Variants in ETV1 observed in about 807,000 individuals in gnomAD.
The protein encoded by ETV1 is ETS variant transcription factor 1.
Under a neutral mutation model 62.3 loss-of-function variants are expected in ETV1, and 27 were observed. The ratio of observed to expected loss-of-function variants is 0.43; its 90% CI spans 0.32 to 0.60. The LOEUF is 0.60. ETV1 is among the 20% of genes least tolerant of loss of function. The pLI, the probability that ETV1 is intolerant of heterozygous loss-of-function variation, is 0.06. For missense variants in ETV1, 605 were observed against 605.8 expected, an observed-to-expected ratio of 1.00 and a Z score of 0.01; for synonymous variants, 222 against 199.6, an observed-to-expected ratio of 1.11 and a Z score of -0.94.
Position 13,942,248 on chromosome 7 carries a change from C to G in ETV1, c.236-3002G>C, listed in dbSNP as rs925364354. On this transcript the variant is annotated intron_variant, in intron 6 of 13. Coordinates refer to ENST00000430479, the MANE Select transcript of ETV1 (RefSeq NM_004956.5). Reference sequence around the variant, plus strand: ...TCGTGTTAGCCAGGATGGTCTCGATCTCCTGACCTCGTGATCCGCCTGCCT... The same window carrying G: ...TCGTGTTAGCCAGGATGGTCTCGATGTCCTGACCTCGTGATCCGCCTGCCT... Among the ~76,000 whole-genome samples the G allele has an allele frequency of 1.4e-4, 22 of 152,194 alleles. 1 individual carries two copies. The East Asian group carries it at 4.3e-3, about 30-fold the overall frequency.
intron 8 of ETV1, 117 bp downstream of exon 8, chr7:13,935,591 G>A: frequency 3.8e-6 from 3 of 786,124 alleles, no homozygotes; most frequent in Non-Finnish European, 6.3e-6. Context: ...ATTTTGCACA[G>A]ATGTGCAAAA....
chr7:13,978,822 A>T (rs1781703479), intron 5 of ETV1, among the ~76,000 whole-genome samples: 1 of 152,086 alleles, frequency 6.6e-6, no homozygotes, highest in Admixed American at 6.5e-5. Flanking sequence ...AATTTACGTT[A>T]TATTATGAAG....
Position 13,906,494 on chromosome 7 carries a change from G to A in ETV1, c.1046C>T (p.Ser349Leu). 1.9e-6 allele frequency: 3 copies of A among 1,611,086 alleles called. No individual in the cohort carries two copies. Among genetic ancestry groups the A allele is most frequent in the Non-Finnish European group, 1.7e-6 (2 of 1,178,540 alleles). The change falls in exon 12 of 14, where the codon TCA becomes TTA. Residue 349 changes from serine (S) to leucine (L), a missense_variant. This residue lies in a region of ETV1 where 100 missense variants were observed against 156.4 expected (regional missense o/e 0.64). Coordinates refer to ENST00000430479, the MANE Select transcript of ETV1 (RefSeq NM_004956.5). ...QFLVALLDDP[S>L]NSHFIAWTGR... ...AGTCCAGGCAATAAAATGAGAATTT[G>A]AAGGGTCATCCAGAAGAGCTACCAA...
At chr7:13,945,083 A>G (rs1480159673) in intron 6 of ETV1, among the ~76,000 whole-genome samples, 1 of 152,196 alleles carries the variant, frequency 6.6e-6, no homozygotes, top group Non-Finnish European at 1.5e-5. Flanking sequence ...AAATTTCACA[A>G]AGCAACCCAG....
At chr7:13,896,150 G>T in intron 13 of ETV1, 63 bp from the exon 14 acceptor site, 1 of 1,413,330 alleles carries the variant, frequency 7.1e-7, no homozygotes. Context: ...AGGACAGGAA[G>T]GAAAAAGCCA....
At position 13,970,263 on chromosome 7, in the gene ETV1, A is replaced by AACACACAC. The variant is rs71033966; in HGVS notation, c.235+7156_235+7163dup. 5.9e-3 allele frequency among the ~76,000 whole-genome samples: 748 copies of AACACACAC among 126,480 alleles called. 8 individuals carry two copies. The highest frequency in any genetic ancestry group is 7.4e-3 in the African/African-American group (235 of 31,744). The allele number at this position is 126,480 out of a possible 152,430, so 83.0% of individuals were successfully genotyped here. ...GCGACAGAGCGAGACCCCATCTCAAAACACACACACACACACACACACACA... is the reference window on the plus strand; with the variant it reads ...GCGACAGAGCGAGACCCCATCTCAAAACACACACACACACACACACACACACACACACA... On this transcript the variant is annotated intron_variant, in intron 6 of 13. Transcript: ENST00000430479.
chr7:13,930,385 A>C (rs913668137), intron 9 of ETV1, among the ~76,000 whole-genome samples: 10 of 150,900 alleles, frequency 6.6e-5, no homozygotes, highest in African/African-American at 2.4e-4. Flanking sequence ...GCAGTGGCGC[A>C]ATCTTGGCTC....
chr7:13,891,758 T>C lies in ETV1; in HGVS notation c.*4108A>G, dbSNP rs1165861559. On this transcript the variant is annotated 3_prime_UTR_variant, in exon 14 of 14. Coordinates refer to ENST00000430479, the MANE Select transcript of ETV1 (RefSeq NM_004956.5). ...GCTTAATATGTACATTTGCCTTCTT[T>C]ATATTTTTTCCACCATCACTTTTAC... The C allele has an allele frequency of 4.3e-6, 1 of 231,996 alleles. No individual in the cohort carries two copies. The highest frequency in any genetic ancestry group is 8.5e-6 in the Non-Finnish European group (1 of 117,390). 14.4% of individuals were successfully genotyped at this position (231,996 alleles called of 1,614,324 possible).
At chr7:13,942,313 G>T (rs994307005) in intron 6 of ETV1, among the ~76,000 whole-genome samples, 1 of 151,872 alleles carries the variant, frequency 6.6e-6, no homozygotes, top group Non-Finnish European at 1.5e-5. Flanking sequence ...ATGAGCCACC[G>T]TGCCCGGCCT....
chr7:13,970,153 C>T lies in ETV1; in HGVS notation c.235+7274G>A, dbSNP rs76003110. On this transcript the variant is annotated intron_variant, in intron 6 of 13. Transcript: ENST00000430479. ...GCGGGCGCCTGTGGTCCCAGCTAGC[C>T]GGGAGGCCGAGGCAGGAGAATGGCG... Among the ~76,000 whole-genome samples, 871 of 151,440 alleles carry T rather than the reference C, an allele frequency of 5.8e-3. 12 individuals are homozygous for T. The highest frequency in any genetic ancestry group is 0.04 in the East Asian group (201 of 5,072).
At chr7:13,910,212 G>GA (rs1157783066) in intron 10 of ETV1, among the ~76,000 whole-genome samples, 16 of 125,882 alleles carry the variant, frequency 1.3e-4, no homozygotes, top group Admixed American at 5.9e-4. Context: ...AAGATAAGAG[G>GA]AAAAAAAAAG....
At chr7:13,973,738 C>A (rs1296799771) in intron 6 of ETV1, among the ~76,000 whole-genome samples, 1 of 151,888 alleles carries the variant, frequency 6.6e-6, no homozygotes, top group Non-Finnish European at 1.5e-5. Flanking sequence ...TGTCCCAAAG[C>A]CATATTTGTT....
intron 3 of ETV1, 56 bp downstream of exon 3, chr7:13,988,952 C>A: frequency 6.9e-7 from 1 of 1,455,988 alleles, no homozygotes; most frequent in Non-Finnish European, 9.5e-7. Context: ...TTCTCCCTCT[C>A]CCCACCCCCG....
chr7:13,906,498 G>A lies in ETV1; in HGVS notation c.1042C>T (p.Pro348Ser), dbSNP rs753613347. ...WQFLVALLDD[P>S]SNSHFIAWTG... ...CAGGCAATAAAATGAGAATTTGAAG[G>A]GTCATCCAGAAGAGCTACCAAAAAC... is the stretch of plus-strand genomic sequence containing the variant. Residue 348 changes from proline (P) to serine (S), a missense_variant, in exon 12 of 14, where the codon CCT becomes TCT. By Grantham distance (74) the Pro-to-Ser change is moderately conservative (BLOSUM62 -1). Coordinates refer to ENST00000430479, the MANE Select transcript of ETV1 (RefSeq NM_004956.5). 3.1e-6 allele frequency: 5 copies of A among 1,610,918 alleles called. No homozygotes were observed. The highest frequency in any genetic ancestry group is 1.7e-5 in the Admixed American group (1 of 59,662).
chr7:13,927,471 A>C (rs1342998600), intron 9 of ETV1, among the ~76,000 whole-genome samples: 1 of 152,168 alleles, frequency 6.6e-6, no homozygotes, highest in Non-Finnish European at 1.5e-5. Flanking sequence ...ATACAAATAA[A>C]CAAAATGCTT....
intron 6 of ETV1, among the ~76,000 whole-genome samples, chr7:13,962,541 T>G (rs1306387537): frequency 6.6e-6 from 1 of 152,122 alleles, no homozygotes; most frequent in African/African-American, 2.4e-5. Flanking sequence ...TTCAGCACAT[T>G]AGCAAATGTT....
chr7:13,966,870 C>T (rs147899282), intron 6 of ETV1, among the ~76,000 whole-genome samples: 1 of 152,144 alleles, frequency 6.6e-6, no homozygotes, highest in East Asian at 1.9e-4. Context: ...ATTTTTCTGA[C>T]TTTTTTCACC....
At chr7:13,977,298 C>G (rs1781545282) in intron 6 of ETV1, 129 bp downstream of exon 6, 1 of 582,728 alleles carries the variant, frequency 1.7e-6, no homozygotes, top group African/African-American at 1.9e-5. Context: ...CATCTTATGG[C>G]TGTAAGTTAA....
intron 9 of ETV1, among the ~76,000 whole-genome samples, chr7:13,926,902 T>C (rs572239351): frequency 6.6e-6 from 1 of 152,256 alleles, no homozygotes; most frequent in South Asian, 2.1e-4. Flanking sequence ...CTATTTTGCA[T>C]TTTTTATCTT....
Sources: gnomAD v4.1 joint callset for allele counts (sites outside exome capture counted in the v4.1 genomes callset) on GRCh38, gnomAD v4.1.1 for gene constraint, gnomAD v4.1.1 regional missense constraint, MANE v1.5 for transcripts, NCBI Gene and HGNC (gene_info 2026-07-23, HGNC 2026-07-21) for gene names.